FAM216A: variants seen among roughly 807,000 people sequenced by gnomAD.
FAM216A encodes protein FAM216A.
Under a neutral mutation model 37.6 loss-of-function variants are expected in FAM216A, and 26 were observed. The observed-to-expected ratio is 0.69, with a 90% CI of 0.51 to 0.96. The LOEUF is 0.96. FAM216A is among the 40% of genes least tolerant of loss of function. The pLI, the probability that FAM216A is intolerant of heterozygous loss-of-function variation, is 0.00. For synonymous variants in FAM216A, 110 were observed against 121.7 expected, an observed-to-expected ratio of 0.90 and a Z score of 0.64; for missense variants, 326 against 339.3, an observed-to-expected ratio of 0.96 and a Z score of 0.31.
intron 1 of FAM216A, among the ~76,000 whole-genome samples, chr12:110,472,316 A>G (rs192617252): frequency 6.6e-6 from 1 of 152,218 alleles, no homozygotes; most frequent in African/African-American, 2.4e-5. Flanking sequence ...AGATAATCAC[A>G]TGGATAGCCC....
intron 2 of FAM216A, among the ~76,000 whole-genome samples, chr12:110,476,999 G>A (rs2062718145): frequency 6.6e-6 from 1 of 152,200 alleles, no homozygotes; most frequent in Non-Finnish European, 1.5e-5. Context: ...GGGACTACAG[G>A]TGTGAGCCAC....
chr12:110,486,165 T>G, intron 3 of FAM216A, 160 bp from the exon 4 acceptor site: 1 of 693,374 alleles, frequency 1.4e-6, no homozygotes, highest in Non-Finnish European at 2.3e-6. Context: ...CACTGTTTAA[T>G]TGGCCATTTC....
rs755730041 is a variant in FAM216A, at chr12:110,486,634, G to A, written c.537G>A (p.Ser179=). ...GACATCAACTGGAGAGAGAGGACTC[G>A]GGGTCTTCTGATATCGCAGCTGCAT... ...TWRHQLERED[S]GSSDIAAASA... is the part of the protein sequence containing the mutation. The change falls in exon 5 of 7, where the codon TCG becomes TCA. Residue 179 remains serine, a synonymous_variant. Coordinates refer to ENST00000377673, the MANE Select transcript of FAM216A (RefSeq NM_013300.3). 1.9e-5 allele frequency: 30 copies of A among 1,614,140 alleles called. No homozygotes were observed. The highest frequency in any genetic ancestry group is 2.5e-5 in the Non-Finnish European group (29 of 1,180,016).
At chr12:110,484,426 CAAAAAAA>C (rs61648841) in intron 2 of FAM216A, among the ~76,000 whole-genome samples, 2 of 51,274 alleles carry the variant, frequency 3.9e-5, no homozygotes, top group African/African-American at 7.2e-5. Flanking sequence ...GACTCCGTCT[CAAAAAAA>C]AAAAAAAAAA....
intron 1 of FAM216A, 101 bp from the exon 2 acceptor site, chr12:110,472,975 CAA>C (rs879057348): frequency 0.05 from 4,285 of 86,346 alleles, 8 homozygotes; most frequent in African/African-American, 0.1. Context: ...GACCCTGTCT[CAA>C]AAAAAAAAAA....
chr12:110,486,280 C>T, intron 3 of FAM216A, 45 bp from the exon 4 acceptor site: 1 of 1,533,722 alleles, frequency 6.5e-7, no homozygotes, highest in Non-Finnish European at 8.8e-7. Context: ...TTGCCAACTT[C>T]TCTAATACAA....
At chr12:110,478,274 T>C (rs900471867) in intron 2 of FAM216A, among the ~76,000 whole-genome samples, 1 of 152,192 alleles carries the variant, frequency 6.6e-6, no homozygotes, top group African/African-American at 2.4e-5. Flanking sequence ...AACTTTTATC[T>C]TTTAGCACAA....
At chr12:110,486,073 C>T (rs1028368468) in intron 3 of FAM216A, among the ~76,000 whole-genome samples, 6 of 152,218 alleles carry the variant, frequency 3.9e-5, no homozygotes, top group Admixed American at 2.0e-4. Context: ...TTCGCTCTTT[C>T]CTTGTTCATC....
chr12:110,480,193 ATTTTTTTTTTTTT>A (rs71083126), intron 2 of FAM216A, among the ~76,000 whole-genome samples: 12 of 30,844 alleles, frequency 3.9e-4, no homozygotes, highest in Admixed American at 1.1e-3. Flanking sequence ...CGCCTAGCTA[ATTTTTTTTTTTTT>A]TTTTTTTTTT....
chr12:110,489,789 A>G (rs144191564), intron 6 of FAM216A, among the ~76,000 whole-genome samples: 43 of 152,274 alleles, frequency 2.8e-4, no homozygotes, highest in African/African-American at 9.4e-4. Context: ...CAATGGTAAA[A>G]CAGGACTTAG....
At chr12:110,468,487 C>T (rs1314600284), upstream of FAM216A, 12 of 1,537,196 alleles carry the variant, frequency 7.8e-6, no homozygotes, top group Non-Finnish European at 9.6e-6. Context: ...TAATAACGGA[C>T]AACAGATAAA....
intron 1 of FAM216A, among the ~76,000 whole-genome samples, chr12:110,471,410 T>A (rs2062686585): frequency 6.6e-6 from 1 of 152,154 alleles, no homozygotes; most frequent in Non-Finnish European, 1.5e-5. Context: ...AAAGTCAGGT[T>A]TATTGAGGCA....
At chr12:110,469,956 A>G (rs2062673104) in intron 1 of FAM216A, among the ~76,000 whole-genome samples, 1 of 152,136 alleles carries the variant, frequency 6.6e-6, no homozygotes, top group African/African-American at 2.4e-5. Flanking sequence ...TAGATAGTGA[A>G]GACAGCGAGC....
At chr12:110,480,575 C>T (rs2062741827) in intron 2 of FAM216A, among the ~76,000 whole-genome samples, 1 of 152,114 alleles carries the variant, frequency 6.6e-6, no homozygotes, top group Non-Finnish European at 1.5e-5. Flanking sequence ...CTCAGCCTCC[C>T]AAAGTGCTGG....
chr12:110,476,486 G>A (rs963373731), intron 2 of FAM216A, among the ~76,000 whole-genome samples: 4 of 151,872 alleles, frequency 2.6e-5, no homozygotes, highest in African/African-American at 9.7e-5. Context: ...GGGATTACAG[G>A]TGTGAGCCAC....
chr12:110,485,263 G>T (rs561724594), intron 3 of FAM216A, 64 bp downstream of exon 3: 2 of 1,466,782 alleles, frequency 1.4e-6, no homozygotes, highest in Non-Finnish European at 1.9e-6. Flanking sequence ...ACTTTTTACT[G>T]AAGATCAGCT....
chr12:110,468,494 T>TA, upstream of FAM216A: 1 of 1,537,186 alleles, frequency 6.5e-7, no homozygotes. Flanking sequence ...GGACAACAGA[T>TA]AAAGCTCCGC....
At chr12:110,468,555 T>G, upstream of FAM216A, 1 of 1,537,304 alleles carries the variant, frequency 6.5e-7, no homozygotes, top group South Asian at 1.2e-5. Flanking sequence ...ACGTTTGACC[T>G]GTATGGTGAC....
At chr12:110,478,155 T>A (rs963916586) in intron 2 of FAM216A, among the ~76,000 whole-genome samples, 1 of 152,224 alleles carries the variant, frequency 6.6e-6, no homozygotes, top group Non-Finnish European at 1.5e-5. Flanking sequence ...ATAGGTTAAA[T>A]ACTTTACTTT....
Sources: gnomAD v4.1 joint callset for allele counts (sites outside exome capture counted in the v4.1 genomes callset) on GRCh38, gnomAD v4.1.1 for gene constraint, MANE v1.5 for transcripts, NCBI Gene and HGNC (gene_info 2026-07-23, HGNC 2026-07-21) for gene names.